Variants in KALRN observed in about 807,000 individuals in gnomAD.
The protein encoded by KALRN is kalirin.
In KALRN, 70 loss-of-function variants were observed where a neutral mutation model predicts 353.7. The ratio of observed to expected loss-of-function variants is 0.20; its 90% CI spans 0.16 to 0.24. The LOEUF is 0.24. Ranked by LOEUF, KALRN falls within the 10% of genes least tolerant of loss-of-function variation. KALRN has a pLI of 1.00. For synonymous variants in KALRN, 1,391 were observed against 1,434.8 expected (o/e 0.97, Z 0.69); for missense variants, 2,791 against 3,756.7 (o/e 0.74, Z 6.72).
intron 33 of KALRN, among the ~76,000 whole-genome samples, chr3:124,540,517 A>G (rs1207057501): frequency 6.6e-6 from 1 of 152,220 alleles, no homozygotes; most frequent in Non-Finnish European, 1.5e-5. Flanking sequence ...AGCCATGCAC[A>G]GGTATTTGAG....
At chr3:124,459,966 C>T (rs1159961454) in intron 23 of KALRN, among the ~76,000 whole-genome samples, 3 of 152,132 alleles carry the variant, frequency 2.0e-5, no homozygotes, top group African/African-American at 7.2e-5. Context: ...GCTCTCGGGA[C>T]TAGAAGCCTA....
chr3:124,716,696 T>C (rs1321910006), intron 58 of KALRN, among the ~76,000 whole-genome samples: 1 of 152,122 alleles, frequency 6.6e-6, no homozygotes, highest in Non-Finnish European at 1.5e-5. Context: ...ATCCCAGCTA[T>C]GTGAGGGGCT....
At chr3:124,652,434 G>C (rs1282865164) in intron 38 of KALRN, among the ~76,000 whole-genome samples, 1 of 152,218 alleles carries the variant, frequency 6.6e-6, no homozygotes, top group Non-Finnish European at 1.5e-5. Flanking sequence ...CTTGCACAAA[G>C]CTGAGTCTCC....
At chr3:124,071,565 A>G (rs541486636) in intron 1 of KALRN, among the ~76,000 whole-genome samples, 2 of 152,318 alleles carry the variant, frequency 1.3e-5, no homozygotes, top group African/African-American at 4.8e-5. Flanking sequence ...TATATTGCTC[A>G]TAGTTCTGGA....
chr3:124,695,514 G>A (rs567974023), intron 53 of KALRN, among the ~76,000 whole-genome samples: 15 of 152,168 alleles, frequency 9.9e-5, no homozygotes, highest in African/African-American at 1.7e-4. Context: ...CATGAAAAGC[G>A]CCAGGGGATA....
At chr3:124,695,046 C>T (rs1157214183) in intron 53 of KALRN, among the ~76,000 whole-genome samples, 3 of 149,874 alleles carry the variant, frequency 2.0e-5, no homozygotes, top group African/African-American at 7.4e-5. Context: ...ATCTGGACAT[C>T]CTGACATTTT....
intron 3 of KALRN, among the ~76,000 whole-genome samples, chr3:124,263,483 A>T (rs544276220): frequency 2.0e-5 from 3 of 152,310 alleles, no homozygotes; most frequent in South Asian, 2.1e-4. Context: ...AGGCTGAGGC[A>T]GGGGGATCAT....
chr3:124,394,740 G>C (rs1358801574), intron 11 of KALRN, among the ~76,000 whole-genome samples: 2 of 152,098 alleles, frequency 1.3e-5, no homozygotes, highest in Non-Finnish European at 2.9e-5. Flanking sequence ...ACATTTCTAG[G>C]AATCAATGTG....
chr3:124,485,451 C>T (rs569075327), intron 28 of KALRN, among the ~76,000 whole-genome samples: 2 of 152,166 alleles, frequency 1.3e-5, no homozygotes, highest in East Asian at 3.9e-4. Context: ...TGTGGGCAGT[C>T]GAAGGAGTGG....
intron 1 of KALRN, among the ~76,000 whole-genome samples, chr3:124,211,883 T>C (rs1374059011): frequency 6.6e-6 from 1 of 152,200 alleles, no homozygotes; most frequent in Non-Finnish European, 1.5e-5. Context: ...AGAAACTGCA[T>C]GACTCTTGTG....
At chr3:124,554,842 A>G (rs2071015595) in intron 33 of KALRN, among the ~76,000 whole-genome samples, 1 of 152,216 alleles carries the variant, frequency 6.6e-6, no homozygotes, top group African/African-American at 2.4e-5. Flanking sequence ...TTTTGGGAGC[A>G]GAGAGGGATC....
At chr3:124,237,035 C>T (rs1368927762) in intron 3 of KALRN, among the ~76,000 whole-genome samples, 1 of 152,192 alleles carries the variant, frequency 6.6e-6, no homozygotes, top group Non-Finnish European at 1.5e-5. Flanking sequence ...TCATGCCCAC[C>T]AGTCACTTCC....
intron 5 of KALRN, among the ~76,000 whole-genome samples, chr3:124,272,547 G>C (rs949432027): frequency 6.6e-6 from 1 of 152,114 alleles, no homozygotes; most frequent in Non-Finnish European, 1.5e-5. Context: ...AAGGAGTGTG[G>C]GGGAGTGGGC....
At chr3:124,538,025 C>T (rs1282493633) in intron 33 of KALRN, among the ~76,000 whole-genome samples, 2 of 152,298 alleles carry the variant, frequency 1.3e-5, no homozygotes, top group Admixed American at 6.5e-5. Context: ...GAAGTCCCCA[C>T]GGAGGTGTTG....
chr3:124,645,960 AT>A (rs2082664533), intron 37 of KALRN, among the ~76,000 whole-genome samples: 1 of 151,950 alleles, frequency 6.6e-6, no homozygotes, highest in Non-Finnish European at 1.5e-5. Flanking sequence ...CCTTGCCAAC[AT>A]TTGTTATCTC....
At chr3:124,305,821 CAA>C (rs777211176) in intron 6 of KALRN, among the ~76,000 whole-genome samples, 1 of 149,972 alleles carries the variant, frequency 6.7e-6, no homozygotes, top group South Asian at 2.1e-4. Flanking sequence ...CAATTTTCAA[CAA>C]AAAAATTATG....
intron 38 of KALRN, 115 bp from the exon 39 acceptor site, chr3:124,655,486 G>T (rs367757743): frequency 1.3e-6 from 1 of 749,222 alleles, no homozygotes; most frequent in Admixed American, 2.0e-5. Context: ...ATAAGTGTGG[G>T]TGTTTTAAGG....
intron 1 of KALRN, among the ~76,000 whole-genome samples, chr3:124,191,978 A>G (rs1423867201): frequency 6.6e-6 from 1 of 152,218 alleles, no homozygotes; most frequent in Non-Finnish European, 1.5e-5. Flanking sequence ...ATCAAACCAT[A>G]TCTCCAGGTG....
chr3:124,043,006 G>A (rs1483845157), intron 1 of KALRN, among the ~76,000 whole-genome samples: 1 of 152,238 alleles, frequency 6.6e-6, no homozygotes, highest in Non-Finnish European at 1.5e-5. Flanking sequence ...GAGAACAGAT[G>A]CAGAAGGGCT....
Sources: allele counts gnomAD v4.1 joint callset (sites outside exome capture counted in the v4.1 genomes callset), GRCh38; gene constraint gnomAD v4.1.1; transcripts MANE v1.5; gene names NCBI Gene and HGNC (gene_info 2026-07-23, HGNC 2026-07-21).